The following PITPNC1 variants were observed in gnomAD, a reference collection of about 807,000 sequenced individuals.
PITPNC1 encodes the protein phosphatidylinositol transfer protein cytoplasmic 1.
In PITPNC1, 18 loss-of-function variants were observed where a neutral mutation model predicts 44.7. The ratio of observed to expected loss-of-function variants is 0.40; its 90% confidence interval spans 0.28 to 0.60. PITPNC1 has a LOEUF of 0.60. Ranked by LOEUF, PITPNC1 falls within the 20% of genes least tolerant of loss-of-function variation. The probability of loss-of-function intolerance (pLI) is 0.39; values close to 1 mark genes in which losing one functional copy is unlikely to be tolerated. For synonymous variants in PITPNC1, 141 were observed against 149.6 expected (o/e 0.94, Z 0.42); for missense variants, 290 against 418.4 (o/e 0.69, Z 2.68).
At chr17:67,675,662 G>A (rs2042588535) in intron 8 of PITPNC1, 120 bp downstream of exon 8, 2 of 723,240 alleles carry the variant, frequency 2.8e-6, no homozygotes, top group African/African-American at 1.8e-5. Context: ...GCTGCTTCCT[G>A]TGTTGGAAAT....
Position 67,675,544 on chromosome 17 carries a change from TA to T in PITPNC1, c.682+4del. 2 of 1,590,942 alleles carry T rather than the reference TA, an allele frequency of 1.3e-6. No homozygotes were observed. Among genetic ancestry groups the T allele is most frequent in the Non-Finnish European group, 1.7e-6 (2 of 1,159,014 alleles). The stretch of plus-strand genomic sequence containing the variant: ...TTGCATGGGTTGATGAGTGGTATGG[TA>T]AGTCAATTTCTCCAAAATAACTTGT... On this transcript the variant is annotated splice_donor_region_variant and intron_variant, in intron 8 of 8. Coordinates refer to ENST00000581322, the MANE Select transcript of PITPNC1 (RefSeq NM_012417.4).
chr17:67,695,870 G>A lies in PITPNC1; in HGVS notation c.*2982G>A, dbSNP rs1286879360. The A allele has an allele frequency of 6.6e-6, 1 of 152,098 alleles. No individual in the cohort carries two copies. Among genetic ancestry groups the A allele is most frequent in the African/African-American group, 2.4e-5 (1 of 41,424 alleles). 9.4% of individuals were successfully genotyped at this position (152,098 alleles called of 1,614,324 possible). On this transcript the variant is annotated 3_prime_UTR_variant, in exon 9 of 9. Coordinates refer to ENST00000581322, the MANE Select transcript of PITPNC1 (RefSeq NM_012417.4). Reference sequence around the variant, plus strand: ...TCTTGCTTTAGCTGTGCTTTCCTGGGATGAGAAGATCTTGGTGTATTTAAC... The same window carrying A: ...TCTTGCTTTAGCTGTGCTTTCCTGGAATGAGAAGATCTTGGTGTATTTAAC...
intron 1 of PITPNC1, among the ~76,000 whole-genome samples, chr17:67,531,471 A>G (rs913430931): frequency 1.3e-5 from 2 of 152,104 alleles, no homozygotes; most frequent in South Asian, 2.1e-4. Context: ...TTCCATTGTC[A>G]TGGTTACTGG....
intron 1 of PITPNC1, among the ~76,000 whole-genome samples, chr17:67,446,133 G>A (rs1265843160): frequency 6.6e-6 from 1 of 151,906 alleles, no homozygotes; most frequent in Admixed American, 6.6e-5. Context: ...TTTTGGTACA[G>A]ACGGGGTTTC....
chr17:67,475,407 CT>C (rs1349795938), intron 1 of PITPNC1, among the ~76,000 whole-genome samples: 2 of 152,170 alleles, frequency 1.3e-5, no homozygotes, highest in African/African-American at 4.8e-5. Flanking sequence ...GTTTGGGACT[CT>C]TACTCCTTTA....
chr17:67,635,857 G>C (rs754392777), intron 6 of PITPNC1, among the ~76,000 whole-genome samples: 1 of 152,182 alleles, frequency 6.6e-6, no homozygotes, highest in Non-Finnish European at 1.5e-5. Context: ...TCAACTGGGG[G>C]TGATTATTGC....
chr17:67,455,512 C>T (rs1464888378), intron 1 of PITPNC1, among the ~76,000 whole-genome samples: 1 of 152,154 alleles, frequency 6.6e-6, no homozygotes, highest in Non-Finnish European at 1.5e-5. Context: ...CTTCCGACTC[C>T]TGGGTTCAAG....
At chr17:67,577,952 G>C (rs935597068) in intron 4 of PITPNC1, among the ~76,000 whole-genome samples, 3 of 152,148 alleles carry the variant, frequency 2.0e-5, no homozygotes, top group Non-Finnish European at 4.4e-5. Context: ...TCAGGGACTT[G>C]CCCTCTACTG....
At chr17:67,398,503 C>T (rs963871463) in intron 1 of PITPNC1, among the ~76,000 whole-genome samples, 1 of 124,328 alleles carries the variant, frequency 8.0e-6, no homozygotes, top group Admixed American at 7.4e-5. Flanking sequence ...GTGCGACGTG[C>T]AGTTGGGTGT....
intron 4 of PITPNC1, among the ~76,000 whole-genome samples, chr17:67,573,373 G>C (rs1232478338): frequency 1.3e-5 from 2 of 152,104 alleles, no homozygotes; most frequent in Non-Finnish European, 2.9e-5. Flanking sequence ...TCTCCTGTAG[G>C]GAAGGAGTGG....
At chr17:67,464,806 C>T (rs989018879) in intron 1 of PITPNC1, among the ~76,000 whole-genome samples, 4 of 151,510 alleles carry the variant, frequency 2.6e-5, no homozygotes, top group African/African-American at 9.7e-5. Flanking sequence ...GTGGTGCAAT[C>T]TCCTCTCACC....
intron 1 of PITPNC1, among the ~76,000 whole-genome samples, chr17:67,411,999 A>C (rs971016427): frequency 6.6e-6 from 1 of 152,036 alleles, no homozygotes; most frequent in African/African-American, 2.4e-5. Flanking sequence ...TGGTTTAGGG[A>C]GTCAAACAGG....
chr17:67,391,090 A>G (rs2038132209), intron 1 of PITPNC1, among the ~76,000 whole-genome samples: 7 of 105,494 alleles, frequency 6.6e-5, no homozygotes, highest in Admixed American at 6.3e-4. Flanking sequence ...TGTGTGTTTA[A>G]TCTTTTTAAG....
At position 67,552,268 on chromosome 17, in the gene PITPNC1, G is replaced by C. The variant is rs764011538; in HGVS notation, c.209G>C (p.Ser70Thr). 6.3e-7 allele frequency: 1 copy of C among 1,588,744 alleles called. No homozygotes were observed. Among genetic ancestry groups the C allele is most frequent in the Non-Finnish European group, 8.6e-7 (1 of 1,157,122 alleles). The change falls in exon 3 of 9, where the codon AGT becomes ACT. Residue 70 changes from serine to threonine, a missense_variant. Coordinates refer to ENST00000581322, the MANE Select transcript of PITPNC1 (RefSeq NM_012417.4). ...TTCTTTCCTCTTAGCAAACTGCCTA[G>C]TTGGGCTAGAGCTGTTGTCCCCAAA... ...KRVYLNSKLP[S>T]WARAVVPKIF...
chr17:67,645,555 C>T (rs897269071), intron 6 of PITPNC1, among the ~76,000 whole-genome samples: 3 of 151,668 alleles, frequency 2.0e-5, no homozygotes, highest in Non-Finnish European at 4.4e-5. Context: ...GGTTTTAAAC[C>T]ACTTTATTGT....
intron 1 of PITPNC1, among the ~76,000 whole-genome samples, chr17:67,480,707 A>G (rs2039689873): frequency 6.6e-6 from 1 of 152,146 alleles, no homozygotes; most frequent in African/African-American, 2.4e-5. Context: ...AATAGTGGTT[A>G]TTTAGGGGTA....
At chr17:67,414,208 TAGG>T (rs1302560224) in intron 1 of PITPNC1, among the ~76,000 whole-genome samples, 2 of 151,574 alleles carry the variant, frequency 1.3e-5, no homozygotes, top group African/African-American at 2.4e-5. Flanking sequence ...AAAGAGAACA[TAGG>T]AGGAGTTACC....
intron 1 of PITPNC1, among the ~76,000 whole-genome samples, chr17:67,505,677 G>A (rs982740998): frequency 5.9e-5 from 9 of 151,926 alleles, no homozygotes; most frequent in South Asian, 2.1e-4. Context: ...GGGTTTTACC[G>A]TGTTAGCCAG....
At chr17:67,608,761 CCCAAAGCGTTGGGAGGCATGAA>C (rs1382549088) in intron 5 of PITPNC1, among the ~76,000 whole-genome samples, 1 of 149,842 alleles carries the variant, frequency 6.7e-6, no homozygotes, top group Non-Finnish European at 1.5e-5. Flanking sequence ...TTCTCAGCCT[CCCAAAGCGTTGGGAGGCATGAA>C]CCATCACGCC....
Sources: allele counts gnomAD v4.1 joint callset (sites outside exome capture counted in the v4.1 genomes callset), GRCh38; gene constraint gnomAD v4.1.1; transcripts MANE v1.5; gene names NCBI Gene and HGNC (gene_info 2026-07-23, HGNC 2026-07-21).